Variants in FOXA1 observed in about 807,000 individuals in gnomAD.
FOXA1 encodes the protein forkhead box A1.
In FOXA1, 9 loss-of-function variants were observed where a neutral mutation model predicts 29.2. The observed-to-expected ratio is 0.31, with a 90% CI of 0.19 to 0.54. The LOEUF (loss-of-function observed/expected upper bound fraction) is 0.54. Among genes scored for constraint, FOXA1 ranks in the 20% least tolerant of loss-of-function variants. FOXA1 has a pLI of 0.95. For synonymous variants in FOXA1, 340 were observed against 300.9 expected, an observed-to-expected ratio of 1.13 and a Z score of -1.34; for missense variants, 644 against 681.2, an observed-to-expected ratio of 0.95 and a Z score of 0.61.
In FOXA1 at chr14:37,591,459, G is replaced by A; in HGVS notation, c.1325C>T (p.Ala442Val). ...GATGGGGCTCCTGGTGGTCACCGAGGCGCTGCCTAGAGGCAGGCTGGCGGG... is the reference window on the plus strand; with the variant it reads ...GATGGGGCTCCTGGTGGTCACCGAGACGCTGCCTAGAGGCAGGCTGGCGGG... ...TLPASLPLGS[A>V]SVTTRSPIEP... Residue 442 changes from alanine to valine, a missense_variant, in exon 2 of 2, where the codon GCC (alanine) becomes GTC (valine). By Grantham distance (64) the Ala-to-Val change is moderately conservative. This residue lies in a region of FOXA1 where 295 missense variants were observed against 294.4 expected (regional missense o/e 1.00). Coordinates refer to ENST00000250448, the MANE Select transcript of FOXA1 (RefSeq NM_004496.5). 6.2e-7 allele frequency: 1 copy of A among 1,614,244 alleles called. No homozygotes were observed. The highest frequency in any genetic ancestry group is 8.5e-7 in the Non-Finnish European group (1 of 1,180,044).
chr14:37,595,075 C>G lies in FOXA1; in HGVS notation c.-103G>C. 1.0e-6 allele frequency: 1 copy of G among 996,622 alleles called. No homozygotes were observed. The highest frequency in any genetic ancestry group is 1.8e-5 in the South Asian group (1 of 56,278). 61.7% of individuals were successfully genotyped at this position (996,622 alleles called of 1,614,324 possible). On this transcript the variant is annotated 5_prime_UTR_variant, in exon 1 of 2. Transcript: ENST00000250448. ...GGGGAGCTGAGCAGCTGCAGTCACC[C>G]GAGCGCCCGCGCGGGCCCAACGCCA...
Position 37,591,834 on chromosome 14 carries a change from G to A in FOXA1, c.950C>T (p.Thr317Ile), listed in dbSNP as rs2139180944. 6.9e-7 allele frequency: 1 copy of A among 1,455,512 alleles called. No homozygotes were observed. The highest frequency in any genetic ancestry group is 9.0e-7 in the Non-Finnish European group (1 of 1,108,992). The allele number at this position is 1,455,512 out of a possible 1,614,324, so 90.2% of individuals were successfully genotyped here. Residue 317 changes from threonine to isoleucine, a missense_variant, in exon 2 of 2, where the codon ACC (threonine) becomes ATC (isoleucine). This residue lies in a region of FOXA1 where 295 missense variants were observed against 294.4 expected (regional missense o/e 1.00). Coordinates refer to ENST00000250448, the MANE Select transcript of FOXA1 (RefSeq NM_004496.5). ...GGCCGGCGCGCCCTCTAGCTGGCCGGTCTTCCCGTGCACACCCCGATGGAG... is the reference window on the plus strand; with the variant it reads ...GGCCGGCGCGCCCTCTAGCTGGCCGATCTTCCCGTGCACACCCCGATGGAG... ...SPLHRGVHGKTGQLEGAPAPG... is the reference protein window; with the variant it reads ...SPLHRGVHGKIGQLEGAPAPG...
At position 37,592,044 on chromosome 14, in the gene FOXA1, T is replaced by C. The variant is rs2095596319; in HGVS notation, c.740A>G (p.His247Arg). The change falls in exon 2 of 2, where the codon CAC becomes CGC. Residue 247 changes from histidine (H) to arginine (R), a missense_variant. His to Arg is a conservative substitution (Grantham distance 29, BLOSUM62 0). Around this residue, in one of 5 missense-constraint regions of FOXA1, gnomAD observed 24 missense variants for 26.3 expected, o/e 0.91. Transcript: ENST00000250448. ...KPGKGSYWTL[H>R]PDSGNMFENG... ...CTCGAACATGTTGCCGGAGTCCGGG[T>C]GCAGCGTCCAGTAGGAGCCCTTGCC... 6.2e-7 allele frequency: 1 copy of C among 1,607,562 alleles called. No individual in the cohort carries two copies. The highest frequency in any genetic ancestry group is 8.5e-7 in the Non-Finnish European group (1 of 1,176,784).
intron 1 of FOXA1, chr14:37,594,223 C>A (rs778543321): frequency 5.9e-5 from 75 of 1,281,684 alleles, no homozygotes; most frequent in Non-Finnish European, 7.3e-5. Flanking sequence ...CTCCCTGTAA[C>A]TGGTTTTCCC....
chr14:37,594,319 G>C, intron 1 of FOXA1: 1 of 1,128,308 alleles, frequency 8.9e-7, no homozygotes, highest in Non-Finnish European at 1.1e-6. Context: ...TCTCGGCCCA[G>C]AGTTGTGAAG....
Position 37,595,249 on chromosome 14 carries a change from T to C in FOXA1, c.-277A>G, listed in dbSNP as rs2095601632. The C allele has an allele frequency of 9.3e-6, 3 of 321,228 alleles. No individual in the cohort carries two copies. The highest frequency in any genetic ancestry group is 1.7e-5 in the Non-Finnish European group (3 of 176,386). The allele number at this position is 321,228 out of a possible 1,614,324, so 19.9% of individuals were successfully genotyped here. On this transcript the variant is annotated 5_prime_UTR_variant, in exon 1 of 2. Coordinates refer to ENST00000250448, the MANE Select transcript of FOXA1 (RefSeq NM_004496.5). ...CCGCGGGAAGTGAGCGGGCTGCCTC[T>C]GCGAGGCAAGTGCAGTTGAGCTGAT...
intron 1 of FOXA1, 81 bp from the exon 2 acceptor site, chr14:37,592,792 A>C (rs2139184489): frequency 6.4e-7 from 1 of 1,556,804 alleles, no homozygotes; most frequent in Non-Finnish European, 8.8e-7. Context: ...CCGGGACCTA[A>C]CCCGGGGGCA....
chr14:37,594,020 T>C lies in FOXA1; in HGVS notation c.72+881A>G, dbSNP rs1033137618. On this transcript the variant is annotated intron_variant, in intron 1 of 1. Transcript: ENST00000250448. Reference sequence around the variant, plus strand: ...ATAAATCTAAATAAGTCAGTTACCATCAAAATATTACGTGATCCTATATTT... The same window carrying C: ...ATAAATCTAAATAAGTCAGTTACCACCAAAATATTACGTGATCCTATATTT... The C allele has an allele frequency of 7.1e-5, 82 of 1,155,980 alleles. No individual in the cohort carries two copies. The African/African-American group carries it at 1.3e-3, about 18-fold the overall frequency. The allele number at this position is 1,155,980 out of a possible 1,614,324, so 71.6% of individuals were successfully genotyped here.
intron 1 of FOXA1, chr14:37,593,998 A>C: frequency 9.3e-7 from 1 of 1,080,506 alleles, no homozygotes; most frequent in Non-Finnish European, 1.2e-6. Flanking sequence ...TGAATACATA[A>C]ATCTAAATAA....
Position 37,591,977 on chromosome 14 carries a change from C to A in FOXA1, c.807G>T (p.Glu269Asp), listed in dbSNP as rs2139181528. 6.3e-7 allele frequency: 1 copy of A among 1,575,168 alleles called. No homozygotes were observed. Among genetic ancestry groups the A allele is most frequent in the East Asian group, 2.3e-5 (1 of 44,156 alleles). ...CCCCGCCGCCGGCCCCCGGCTGCTT[C>A]TCGCACTTGAAGCGCTTCTGGCGGC... is the stretch of plus-strand genomic sequence containing the variant. ...YLRRQKRFKC[E>D]KQPGAGGGGG... The change falls in exon 2 of 2, where the codon GAG becomes GAT. Residue 269 changes from glutamate (E) to aspartate (D), a missense_variant. Coordinates refer to ENST00000250448, the MANE Select transcript of FOXA1 (RefSeq NM_004496.5).
In FOXA1 at chr14:37,589,869, A is replaced by G. The variant is rs1484700077; in HGVS notation, c.*1496T>C. On this transcript the variant is annotated 3_prime_UTR_variant, in exon 2 of 2. Transcript: ENST00000250448. Reference sequence around the variant, plus strand: ...ACACATTCATTATAACAACAGACAAAACAATTTTATTTTCATTTTTGTCAT... The same window carrying G: ...ACACATTCATTATAACAACAGACAAGACAATTTTATTTTCATTTTTGTCAT... 1 of 231,032 alleles carries G rather than the reference A, an allele frequency of 4.3e-6. No individual in the cohort carries two copies. The highest frequency in any genetic ancestry group is 6.2e-5 in the East Asian group (1 of 16,098). 14.3% of individuals were successfully genotyped at this position (231,032 alleles called of 1,614,324 possible).
In FOXA1 at chr14:37,591,797, G is replaced by A. The variant is rs1455734565; in HGVS notation, c.987C>T (p.Ala329=). The A allele has an allele frequency of 2.0e-6, 3 of 1,465,308 alleles. No homozygotes were observed. Among genetic ancestry groups the A allele is most frequent in the Non-Finnish European group, 9.0e-7 (1 of 1,112,282 alleles). 90.8% of individuals were successfully genotyped at this position (1,465,308 alleles called of 1,614,324 possible). The change falls in exon 2 of 2, where the codon GCC becomes GCT. Residue 329 remains alanine, a synonymous_variant. Coordinates refer to ENST00000250448, the MANE Select transcript of FOXA1 (RefSeq NM_004496.5). Reference sequence around the variant, plus strand: ...TGTGGTCCAGAGTCTGGGGGCTGGCGGCGGGCCCGGGGGCCGGCGCGCCCT... The same window carrying A: ...TGTGGTCCAGAGTCTGGGGGCTGGCAGCGGGCCCGGGGGCCGGCGCGCCCT... ...QLEGAPAPGP[A]ASPQTLDHSG... is the part of the protein sequence containing the mutation.
In FOXA1 at chr14:37,592,655, G is replaced by A. The variant is rs1211192972; in HGVS notation, c.129C>T (p.Ser43=). Residue 43 remains serine (S), a synonymous_variant, in exon 2 of 2, where the codon TCC becomes TCT. Transcript: ENST00000250448. ...NMNSGLGSMN[S]MNTYMTMNTM... is the part of the protein sequence containing the mutation. ...TGTTCATGGTCATGTAGGTGTTCAT[G>A]GAGTTCATGGAGCCCAGGCCTGAGT... 2 of 1,614,194 alleles carry A rather than the reference G, an allele frequency of 1.2e-6. No individual in the cohort carries two copies. Among genetic ancestry groups the A allele is most frequent in the South Asian group, 1.1e-5 (1 of 91,088 alleles).
rs1000358414 is a variant in FOXA1 at position 37,589,650 on chromosome 14, GTAGT to G, written c.*1711_*1714del. Among the ~76,000 whole-genome samples, 70 of 150,942 alleles carry G rather than the reference GTAGT, an allele frequency of 4.6e-4. No individual in the cohort carries two copies. The highest frequency in any genetic ancestry group is 1.7e-3 in the African/African-American group (68 of 41,140). Reference sequence around the variant, plus strand: ...GTGATACATTGGGGAAGGAGGAAAGGTAGTTAAATTAATATTTGATTTTGTAGTG... The same window carrying G: ...GTGATACATTGGGGAAGGAGGAAAGGTAAATTAATATTTGATTTTGTAGTG... On this transcript the variant is annotated 3_prime_UTR_variant, in exon 2 of 2. Transcript: ENST00000250448.
At chr14:37,594,461 G>T in intron 1 of FOXA1, 2 of 841,236 alleles carry the variant, frequency 2.4e-6, no homozygotes, top group Non-Finnish European at 2.9e-6. Context: ...CAACTTGGCG[G>T]CAGAGCGCTT....
rs1836005021 is a variant in FOXA1 at position 37,591,197 on chromosome 14, C to G, written c.*168G>C. 1.2e-6 allele frequency: 1 copy of G among 855,028 alleles called. No homozygotes were observed. The highest frequency in any genetic ancestry group is 1.8e-6 in the Non-Finnish European group (1 of 547,512). The allele number at this position is 855,028 out of a possible 1,614,324, so 53.0% of individuals were successfully genotyped here. A position where few individuals can be genotyped will look rare whatever the true frequency, so the allele number is the denominator to read the frequency against. On this transcript the variant is annotated 3_prime_UTR_variant, in exon 2 of 2. Coordinates refer to ENST00000250448, the MANE Select transcript of FOXA1 (RefSeq NM_004496.5). ...AATTTTGAATACAATAATAAAGTAACAGTCTTTTGCACTGGGGGAAAGGTT... is the reference window on the plus strand; with the variant it reads ...AATTTTGAATACAATAATAAAGTAAGAGTCTTTTGCACTGGGGGAAAGGTT...
In FOXA1 at chr14:37,591,853, G is replaced by T. The variant is rs1158498836; in HGVS notation, c.931C>A (p.Arg311=). Residue 311 remains arginine, a synonymous_variant, in exon 2 of 2, where the codon CGG becomes AGG. Transcript: ENST00000250448. ...SNPSADSPLH[R]GVHGKTGQLE... is the part of the protein sequence containing the mutation. The stretch of plus-strand genomic sequence containing the variant: ...TGGCCGGTCTTCCCGTGCACACCCC[G>T]ATGGAGGGGCGAGTCGGCGCTGGGG... 6.9e-7 allele frequency: 1 copy of T among 1,452,270 alleles called. No individual in the cohort carries two copies. The allele number at this position is 1,452,270 out of a possible 1,614,324, so 90.0% of individuals were successfully genotyped here. A position where few individuals can be genotyped will look rare whatever the true frequency, so the allele number is the denominator to read the frequency against.
Position 37,592,166 on chromosome 14 carries a change from A to G in FOXA1, c.618T>C (p.Tyr206=). The change falls in exon 2 of 2, where the codon TAT becomes TAC. Residue 206 remains tyrosine, a synonymous_variant. Coordinates refer to ENST00000250448, the MANE Select transcript of FOXA1 (RefSeq NM_004496.5). ...GCCAGCGCTGCTGGTTCTGCCGGTA[A>G]TAGGGGAAGAGGTCCATGATCCACT... is the stretch of plus-strand genomic sequence containing the variant. ...IYQWIMDLFP[Y]YRQNQQRWQN... is the part of the protein sequence containing the mutation. The G allele has an allele frequency of 6.2e-7, 1 of 1,613,644 alleles. No homozygotes were observed.
intron 1 of FOXA1, 102 bp downstream of exon 1, chr14:37,594,799 G>T (rs2095600460): frequency 1.4e-6 from 1 of 720,094 alleles, no homozygotes; most frequent in South Asian, 3.9e-5. Context: ...AGGCGCCCCC[G>T]GCCCGCCTGC....
Sources: allele counts gnomAD v4.1 joint callset (sites outside exome capture counted in the v4.1 genomes callset), GRCh38; gene constraint gnomAD v4.1.1; regional missense constraint gnomAD v4.1.1; transcripts MANE v1.5; gene names NCBI Gene and HGNC (gene_info 2026-07-23, HGNC 2026-07-21).